PHYH: variants seen among roughly 807,000 people sequenced by gnomAD.
PHYH encodes the protein phytanoyl-CoA dioxygenase, peroxisomal.
In PHYH, 32 loss-of-function variants were observed where a neutral mutation model predicts 38.5. The ratio of observed to expected loss-of-function variants is 0.83; its 90% CI spans 0.63 to 1.12. The LOEUF is 1.12. PHYH is among the 50% of genes most tolerant of loss of function. The pLI is 0.00. For synonymous variants in PHYH, 166 were observed against 157.9 expected (o/e 1.05, Z -0.38); for missense variants, 426 against 434.8 (o/e 0.98, Z 0.18).
chr10:13,292,034 G>A (rs752014741), intron 4 of PHYH, 122 bp from the exon 5 acceptor site: 39 of 715,416 alleles, frequency 5.5e-5, no homozygotes, highest in South Asian at 1.1e-4. Flanking sequence ...AGAACCAAGC[G>A]GTATTTCACA....
chr10:13,297,425 C>T (rs1432666344), intron 2 of PHYH, among the ~76,000 whole-genome samples: 1 of 105,746 alleles, frequency 9.5e-6, no homozygotes. Flanking sequence ...CTAATATGTC[C>T]ATATAACCAA....
intron 8 of PHYH, among the ~76,000 whole-genome samples, chr10:13,279,857 G>T (rs1169223309): frequency 6.6e-6 from 1 of 152,140 alleles, no homozygotes; most frequent in Non-Finnish European, 1.5e-5. Context: ...GGCATTTTAG[G>T]TACTGAACAA....
At chr10:13,284,857 C>T (rs201837911) in intron 6 of PHYH, among the ~76,000 whole-genome samples, 23 of 152,140 alleles carry the variant, frequency 1.5e-4, no homozygotes, top group Admixed American at 4.6e-4. Flanking sequence ...CTGGGAATGA[C>T]GACATCCCTC....
At chr10:13,283,237 C>T (rs1265058494) in intron 7 of PHYH, among the ~76,000 whole-genome samples, 3 of 150,446 alleles carry the variant, frequency 2.0e-5, no homozygotes, top group South Asian at 4.2e-4. Flanking sequence ...TCACGCCATT[C>T]TCCTGCCTCA....
intron 2 of PHYH, 117 bp from the exon 3 acceptor site, chr10:13,295,723 G>A (rs1835831013): frequency 1.5e-5 from 10 of 666,596 alleles, no homozygotes; most frequent in South Asian, 1.1e-4. Flanking sequence ...ATCACTTGAG[G>A]TCAGGAGTTT....
At chr10:13,279,190 G>A (rs984314915) in intron 8 of PHYH, among the ~76,000 whole-genome samples, 1 of 151,964 alleles carries the variant, frequency 6.6e-6, no homozygotes, top group African/African-American at 2.4e-5. Context: ...TAGAGACGGG[G>A]TTTCACCATG....
At chr10:13,293,810 G>GT (rs1221725022) in intron 4 of PHYH, among the ~76,000 whole-genome samples, 1 of 151,956 alleles carries the variant, frequency 6.6e-6, no homozygotes, top group Non-Finnish European at 1.5e-5. Flanking sequence ...AGACTGTTGA[G>GT]TTTTTTTCCA....
At chr10:13,287,078 C>A (rs758669429) in intron 6 of PHYH, among the ~76,000 whole-genome samples, 3 of 152,076 alleles carry the variant, frequency 2.0e-5, no homozygotes, top group Admixed American at 6.6e-5. Context: ...TGGTGGCTCA[C>A]GCCTGTAATC....
chr10:13,298,983 A>C (rs1832665539), intron 1 of PHYH, among the ~76,000 whole-genome samples: 1 of 149,254 alleles, frequency 6.7e-6, no homozygotes, highest in Admixed American at 6.7e-5. Flanking sequence ...TAACAACAAC[A>C]ACATAAATTC....
chr10:13,288,462 G>A lies in PHYH; in HGVS notation c.576C>T (p.Ala192=), dbSNP rs371154155. Residue 192 remains alanine, a synonymous_variant, in exon 6 of 9, where the codon GCC becomes GCT. Transcript: ENST00000263038. ...GGCTGATGTGCTCCATCGCCGTCCA[G>A]GCGCAAACGATGAGATCGCTGGGCC... ...PFRPSDLIVC[A]WTAMEHISRN... The A allele has an allele frequency of 5.6e-6, 9 of 1,614,130 alleles. No homozygotes were observed. The Admixed American group carries it at 6.7e-5, about 12-fold the overall frequency.
chr10:13,279,016 G>T (rs543324880), intron 8 of PHYH, among the ~76,000 whole-genome samples: 4 of 149,926 alleles, frequency 2.7e-5, no homozygotes, highest in African/African-American at 4.9e-5. Flanking sequence ...TTTTTTTTTT[G>T]AGACGGAATT....
chr10:13,280,889 G>T, intron 8 of PHYH, 87 bp downstream of exon 8: 1 of 1,283,460 alleles, frequency 7.8e-7, no homozygotes, highest in Non-Finnish European at 1.1e-6. Context: ...ACTATATACT[G>T]TCAAATAAAC....
chr10:13,298,601 T>C (rs1234300853), intron 1 of PHYH, among the ~76,000 whole-genome samples: 1 of 151,944 alleles, frequency 6.6e-6, no homozygotes, highest in Non-Finnish European at 1.5e-5. Flanking sequence ...CTGGAGAGGC[T>C]AAGACAGGAG....
chr10:13,294,488 G>C lies in PHYH; in HGVS notation c.354C>G (p.Ile118Met), dbSNP rs779724199. The C allele has an allele frequency of 9.3e-6, 15 of 1,614,008 alleles. No individual in the cohort carries two copies. The highest frequency in any genetic ancestry group is 1.3e-5 in the Non-Finnish European group (15 of 1,179,976). The stretch of plus-strand genomic sequence containing the variant: ...CTTCCTGGAAATCCTGGACCTTCGT[G>C]ATCATCTTCTCACTTGGAGCATATT... ...KSEYAPSEKM[I>M]TKVQDFQEDK... Residue 118 changes from isoleucine to methionine, a missense_variant, in exon 4 of 9, where the codon ATC (isoleucine) becomes ATG (methionine). Transcript: ENST00000263038.
At chr10:13,291,151 T>C (rs1835701637) in intron 5 of PHYH, among the ~76,000 whole-genome samples, 1 of 144,978 alleles carries the variant, frequency 6.9e-6, no homozygotes. Flanking sequence ...TTGTGACTCA[T>C]AGTAACAATT....
rs769744387 is a variant in PHYH, at chr10:13,288,358, A to G, written c.678+2T>C. 3 of 1,613,380 alleles carry G rather than the reference A, an allele frequency of 1.9e-6. No homozygotes were observed. The Admixed American group carries it at 5.0e-5, about 27-fold the overall frequency. ...CAAGACTCAGCCGCCGGGCAGACCT[A>G]CCTCCCACTTGGGGTAATCGTGGGG... is the stretch of plus-strand genomic sequence containing the variant. On this transcript the variant is annotated splice_donor_variant, in intron 6 of 8. Coordinates refer to ENST00000263038, the MANE Select transcript of PHYH (RefSeq NM_006214.4). LOFTEE classifies it high-confidence loss of function.
chr10:13,282,608 G>A (rs2985294), intron 7 of PHYH, among the ~76,000 whole-genome samples: 38,768 of 89,194 alleles, frequency 0.43, 7,221 homozygotes, highest in African/African-American at 0.62. Context: ...AAAAAAAAAA[G>A]AAAAAAGGAA....
At position 13,287,116 on chromosome 10, in the gene PHYH, G is replaced by A. The variant is rs377217925; in HGVS notation, c.678+1244C>T. ...AGCACTTTGGGAGGCAGAGGTGGGC[G>A]GATCACGAGTTAAAGAGATCAGGAC... On this transcript the variant is annotated intron_variant, in intron 6 of 8. Coordinates refer to ENST00000263038, the MANE Select transcript of PHYH (RefSeq NM_006214.4). Among the ~76,000 whole-genome samples the A allele has an allele frequency of 5.3e-5, 8 of 151,968 alleles. 1 individual carries two copies. The South Asian group carries it at 8.3e-4, about 16-fold the overall frequency.
intron 6 of PHYH, among the ~76,000 whole-genome samples, chr10:13,284,252 G>T (rs749514305): frequency 6.6e-6 from 1 of 152,060 alleles, no homozygotes; most frequent in Non-Finnish European, 1.5e-5. Context: ...GAGCCGGGAG[G>T]GGGAGGTTCC....
Sources: gnomAD v4.1 joint callset for allele counts (sites outside exome capture counted in the v4.1 genomes callset) on GRCh38, gnomAD v4.1.1 for gene constraint, MANE v1.5 for transcripts, NCBI Gene and HGNC (gene_info 2026-07-23, HGNC 2026-07-21) for gene names.